HDAC8: variants seen among roughly 807,000 people sequenced by gnomAD.
The protein encoded by HDAC8 is histone deacetylase-like 1.
HDAC8 carries 1 observed loss-of-function variant against 32.2 expected under a neutral mutation model. That is an observed-to-expected ratio of 0.03 (90% CI 0.01 to 0.15). The LOEUF is 0.15. Among genes scored for constraint, HDAC8 ranks in the 10% least tolerant of loss-of-function variants. The pLI, the probability that HDAC8 is intolerant of heterozygous loss-of-function variation, is 1.00. For missense variants in HDAC8, 117 were observed against 300.0 expected (o/e 0.39, Z 4.51); for synonymous variants, 108 against 113.9 (o/e 0.95, Z 0.33).
chrX:72,339,321 G>C (rs2043825019), intron 10 of HDAC8, among the ~76,000 whole-genome samples: 1 of 112,548 alleles, frequency 8.9e-6, no homozygotes, highest in South Asian at 3.7e-4. Flanking sequence ...GGGTCACAGA[G>C]GGGATCAAGA....
chrX:72,392,654 C>T (rs782100037), intron 9 of HDAC8, among the ~76,000 whole-genome samples: 1 of 112,046 alleles, frequency 8.9e-6, no homozygotes, highest in African/African-American at 3.2e-5. Flanking sequence ...TATATCAAAG[C>T]ACTAAAAAAA....
At chrX:72,404,803 CTT>C (rs2147883171) in intron 9 of HDAC8, among the ~76,000 whole-genome samples, 1 of 109,665 alleles carries the variant, frequency 9.1e-6, no homozygotes. Flanking sequence ...TCGTCTTTGT[CTT>C]TGTTGTTCTG....
intron 4 of HDAC8, among the ~76,000 whole-genome samples, chrX:72,508,821 G>A (rs1042504751): frequency 5.3e-5 from 6 of 112,188 alleles, no homozygotes; most frequent in East Asian, 5.6e-4. Flanking sequence ...GAACTTCTCA[G>A]CCTCCAAAAT....
chrX:72,419,635 T>C (rs1334600441), intron 9 of HDAC8, among the ~76,000 whole-genome samples: 1 of 111,871 alleles, frequency 8.9e-6, no homozygotes, highest in African/African-American at 3.2e-5. Context: ...TGGATAGACC[T>C]TCCAGTACAA....
At chrX:72,543,716 G>C (rs2050777915) in intron 4 of HDAC8, among the ~76,000 whole-genome samples, 1 of 112,636 alleles carries the variant, frequency 8.9e-6, no homozygotes, top group African/African-American at 3.2e-5. Context: ...GGTAGGCATT[G>C]GTTAAAAATG....
chrX:72,441,937 G>A (rs2047165916), intron 9 of HDAC8, among the ~76,000 whole-genome samples: 1 of 111,626 alleles, frequency 9.0e-6, no homozygotes, highest in Non-Finnish European at 1.9e-5. Flanking sequence ...GGGTATCAGT[G>A]ATGGAAGATC....
intron 2 of HDAC8, among the ~76,000 whole-genome samples, chrX:72,570,987 CA>C (rs2052013232): frequency 1.8e-5 from 2 of 112,157 alleles, no homozygotes; most frequent in African/African-American, 6.5e-5. Flanking sequence ...TGCAGTGGCG[CA>C]ATCTCGGCTC....
chrX:72,448,011 A>C (rs1370303847), intron 9 of HDAC8, among the ~76,000 whole-genome samples: 1 of 112,346 alleles, frequency 8.9e-6, no homozygotes, highest in Non-Finnish European at 1.9e-5. Flanking sequence ...CATACTGCCC[A>C]AAGTAATTTA....
At position 72,399,553 on chromosome X, in the gene HDAC8, G is replaced by T. The variant is rs187373976; in HGVS notation, c.1006-47715C>A. Among the ~76,000 whole-genome samples the T allele has an allele frequency of 2.4e-4, 27 of 111,960 alleles. No homozygotes were observed. The East Asian group carries it at 3.9e-3, about 16-fold the overall frequency. On this transcript the variant is annotated intron_variant, in intron 9 of 10. Transcript: ENST00000373573. Reference sequence around the variant, plus strand: ...TACAATGACTATATTGATTGATTCAGACTATATATTGATTGCAAAGGATAT... The same window carrying T: ...TACAATGACTATATTGATTGATTCATACTATATATTGATTGCAAAGGATAT...
intron 9 of HDAC8, among the ~76,000 whole-genome samples, chrX:72,408,759 G>A (rs1490453546): frequency 9.0e-6 from 1 of 111,679 alleles, no homozygotes; most frequent in African/African-American, 3.3e-5. Context: ...ATGAAAGTGG[G>A]GGTATGCCAG....
chrX:72,568,036 G>A lies in HDAC8; in HGVS notation c.296-6C>T. 3 of 1,207,521 alleles carry A rather than the reference G, an allele frequency of 2.5e-6. No individual in the cohort carries two copies. Among genetic ancestry groups the A allele is most frequent in the Non-Finnish European group, 3.4e-6 (3 of 892,825 alleles). On this transcript the variant is annotated splice_polypyrimidine_tract_variant and splice_region_variant and intron_variant, in intron 3 of 10. Coordinates refer to ENST00000373573, the MANE Select transcript of HDAC8 (RefSeq NM_018486.3). ...AGTGGCTGGGCAGTCATAACCTTAG[G>A]GCAAAAATCAGAAGAGCTGGTTAAA... is the stretch of plus-strand genomic sequence containing the variant.
intron 9 of HDAC8, among the ~76,000 whole-genome samples, chrX:72,441,931 A>G (rs1367016536): frequency 1.8e-5 from 2 of 111,915 alleles, no homozygotes; most frequent in African/African-American, 6.5e-5. Flanking sequence ...AAGAAAGGGT[A>G]TCAGTGATGG....
At chrX:72,453,524 A>AAAGAAAGAAAGAAAGAAAG (rs782366543) in intron 9 of HDAC8, among the ~76,000 whole-genome samples, 6 of 99,732 alleles carry the variant, frequency 6.0e-5, no homozygotes, top group East Asian at 3.1e-4. Flanking sequence ...AAGAAAGAAA[A>AAAGAAAGAAAGAAAGAAAG]AGAAAGAAAA....
At chrX:72,424,546 A>G (rs1467307392) in intron 9 of HDAC8, among the ~76,000 whole-genome samples, 1 of 111,042 alleles carries the variant, frequency 9.0e-6, no homozygotes, top group Non-Finnish European at 1.9e-5. Context: ...AGATTTCTTC[A>G]TCTATATCTT....
intron 9 of HDAC8, among the ~76,000 whole-genome samples, chrX:72,437,167 A>G (rs1199588881): frequency 3.6e-5 from 4 of 111,368 alleles, no homozygotes; most frequent in African/African-American, 1.3e-4. Flanking sequence ...CTGGCTAGAC[A>G]GTGGGTGCAG....
rs183546884 is a variant in HDAC8, at chrX:72,508,030, A to G, written c.438-12762T>C. 5.3e-5 allele frequency among the ~76,000 whole-genome samples: 6 copies of G among 112,190 alleles called. No individual in the cohort carries two copies. In the East Asian group the frequency reaches 1.7e-3, roughly 31 times the overall value. On this transcript the variant is annotated intron_variant, in intron 4 of 10. Coordinates refer to ENST00000373573, the MANE Select transcript of HDAC8 (RefSeq NM_018486.3). ...AAGCAGGTGGCTACCTTACCCAGGC[A>G]CAACCAGATACCTGCTCTGTTCAAC...
At chrX:72,535,538 C>G (rs1556038765) in intron 4 of HDAC8, among the ~76,000 whole-genome samples, 1 of 111,061 alleles carries the variant, frequency 9.0e-6, no homozygotes, top group East Asian at 2.8e-4. Flanking sequence ...AACAGGAAAA[C>G]AAAGTTCTGT....
At chrX:72,387,076 CA>C (rs1156489633) in intron 9 of HDAC8, among the ~76,000 whole-genome samples, 2 of 112,185 alleles carry the variant, frequency 1.8e-5, no homozygotes, top group Non-Finnish European at 3.8e-5. Context: ...CAAAAGAAAA[CA>C]AAACAAAATC....
At chrX:72,553,905 A>G (rs2051176806) in intron 4 of HDAC8, among the ~76,000 whole-genome samples, 1 of 112,048 alleles carries the variant, frequency 8.9e-6, no homozygotes, top group African/African-American at 3.2e-5. Context: ...TAATATTTCA[A>G]TTCCTCTATT....
Sources: gnomAD v4.1 joint callset for allele counts (sites outside exome capture counted in the v4.1 genomes callset) on GRCh38, gnomAD v4.1.1 for gene constraint, MANE v1.5 for transcripts, NCBI Gene and HGNC (gene_info 2026-07-23, HGNC 2026-07-21) for gene names.